SZT2: variants seen among roughly 807,000 people sequenced by gnomAD.
SZT2 encodes KICSTOR complex protein SZT2.
A neutral mutation model predicts 404.2 loss-of-function variants in SZT2; 216 were observed. That is an observed-to-expected ratio of 0.53 (90% CI 0.48 to 0.60). SZT2 has a LOEUF of 0.60. Ranked by LOEUF, SZT2 falls within the 20% of genes least tolerant of loss-of-function variation. The pLI, the probability that SZT2 is intolerant of heterozygous loss-of-function variation, is 0.00. For synonymous variants in SZT2, 1,693 were observed against 1,749.9 expected (o/e 0.97, Z 0.81); for missense variants, 3,857 against 4,459.2 (o/e 0.86, Z 3.85).
rs768958588 is a variant in SZT2 at position 43,452,276 on chromosome 1, T to G, written c.*1796T>G. ...GCCTCCATCTCAGCCTTGACTGCTA[T>G]TCGATCAGCTCCCTGGGGTACTCGG... is the stretch of plus-strand genomic sequence containing the variant. On this transcript the variant is annotated 3_prime_UTR_variant, in exon 72 of 72. Transcript: ENST00000634258. 6.2e-7 allele frequency: 1 copy of G among 1,614,104 alleles called. No individual in the cohort carries two copies. The highest frequency in any genetic ancestry group is 8.5e-7 in the Non-Finnish European group (1 of 1,179,988).
At chr1:43,409,430 G>A (rs1650739295) in intron 4 of SZT2, 1 of 365,404 alleles carries the variant, frequency 2.7e-6, no homozygotes, top group Non-Finnish European at 5.3e-6. Flanking sequence ...AGAATAGTCA[G>A]ACAAGAGAAA....
chr1:43,441,794 G>C lies in SZT2; in HGVS notation c.7718G>C (p.Ser2573Thr), dbSNP rs755325371. The C allele has an allele frequency of 1.2e-5, 20 of 1,614,056 alleles. No homozygotes were observed. Among genetic ancestry groups the C allele is most frequent in the Non-Finnish European group, 1.7e-5 (20 of 1,180,044 alleles). The change falls in exon 55 of 72, where the codon AGT becomes ACT. Residue 2573 changes from serine (S) to threonine (T), a missense_variant. Ser to Thr is a moderately conservative substitution (Grantham distance 58). Transcript: ENST00000634258. The surrounding 1 kb of genome is among the most constrained non-coding windows in gnomAD (Gnocchi z 4.8). ...GTCACCTCAATGGCTGGAGACACCA[G>C]TGTCCGCATCTTTGAGCAGCATTTG... ...ALVTSMAGDT[S>T]VRIFEQHLGS... is the part of the protein sequence containing the mutation.
In SZT2 at chr1:43,423,180, A is replaced by T; in HGVS notation, c.2119A>T (p.Lys707Ter). Residue 707 changes from lysine to a stop codon, truncating the protein, a stop_gained, in exon 15 of 72, where the codon AAA becomes TAA. Transcript: ENST00000634258. LOFTEE classifies it high-confidence loss of function. ...AAGCAAGGAGCCAACGCCCAAGGTG[A>T]AACGAAAAGGGCTAGGGGGTGCTGG... Reference protein sequence around the residue: ...VQSKEPTPKVKRKGLGGAGGG... With the variant: ...VQSKEPTPKV The T allele has an allele frequency of 6.3e-7, 1 of 1,597,622 alleles. No homozygotes were observed. Among genetic ancestry groups the T allele is most frequent in the Non-Finnish European group, 8.5e-7 (1 of 1,179,470 alleles).
At position 43,423,759 on chromosome 1, in the gene SZT2, G is replaced by A. The variant is rs116048765; in HGVS notation, c.2255+443G>A. On this transcript the variant is annotated intron_variant, in intron 15 of 71. Transcript: ENST00000634258. ...GTGTGGAAGGGCATGGCTCAGCGAG[G>A]AATGAGTAGGTCAGAGGTGTGGAAG... 1.7e-3 allele frequency among the ~76,000 whole-genome samples: 257 copies of A among 149,522 alleles called. 1 individual carries two copies. Among genetic ancestry groups the A allele is most frequent in the African/African-American group, 6.2e-3 (249 of 40,462 alleles).
Position 43,427,381 on chromosome 1 carries a change from A to G in SZT2, c.3534A>G (p.Leu1178=). ...GTGGGGCTCCCAGTCTGAAAGATCT[A>G]GGAGGAACTGGGATCAAAGCTACAA... The part of the protein sequence containing the change: ...DWSGAPSLKD[L]GGTGIKATKS... Residue 1178 remains leucine, a synonymous_variant, in exon 25 of 72, where the codon CTA becomes CTG. Coordinates refer to ENST00000634258, the MANE Select transcript of SZT2 (RefSeq NM_001365999.1). The G allele has an allele frequency of 6.2e-7, 1 of 1,614,082 alleles. No individual in the cohort carries two copies. Among genetic ancestry groups the G allele is most frequent in the Non-Finnish European group, 8.5e-7 (1 of 1,180,002 alleles).
chr1:43,422,465 C>T lies in SZT2; in HGVS notation c.1770-15C>T, dbSNP rs1652484846. The T allele has an allele frequency of 2.6e-6, 4 of 1,565,980 alleles. No homozygotes were observed. Among genetic ancestry groups the T allele is most frequent in the South Asian group, 1.2e-5 (1 of 85,408 alleles). The stretch of plus-strand genomic sequence containing the variant: ...GGCCTGGAGGTCTAACCTCAGTCCA[C>T]ACCCCTCTTCCTAGACCAATCCCCA... On this transcript the variant is annotated splice_polypyrimidine_tract_variant and intron_variant, in intron 12 of 71. Coordinates refer to ENST00000634258, the MANE Select transcript of SZT2 (RefSeq NM_001365999.1).
chr1:43,424,812 G>A lies in SZT2; in HGVS notation c.2500G>A (p.Ala834Thr), dbSNP rs753359197. The A allele has an allele frequency of 1.3e-5, 21 of 1,613,874 alleles. No individual in the cohort carries two copies. The highest frequency in any genetic ancestry group is 6.7e-5 in the African/African-American group (5 of 74,886). ...CCGACTTTCTGAAGGATTCCACTTCGCCTGCAGTGGGGAAGGAATCATCAA... is the reference window on the plus strand; with the variant it reads ...CCGACTTTCTGAAGGATTCCACTTCACCTGCAGTGGGGAAGGAATCATCAA... ...EVRLSEGFHF[A>T]CSGEGIINMV... The change falls in exon 17 of 72, where the codon GCC (alanine) becomes ACC (threonine). Residue 834 changes from alanine to threonine, a missense_variant. Physicochemically the swap from Ala to Thr is moderately conservative, Grantham distance 58. Around this residue, in one of 7 missense-constraint regions of SZT2, gnomAD observed 1,725 missense variants for 1,881.0 expected, o/e 0.92. Transcript: ENST00000634258. The surrounding 1 kb of genome is among the most constrained non-coding windows in gnomAD (Gnocchi z 4.1).
Position 43,422,441 on chromosome 1 carries a change from G to A in SZT2, c.1770-39G>A, listed in dbSNP as rs182232163. 1.4e-3 allele frequency: 2,154 copies of A among 1,531,014 alleles called. 4 individuals carry two copies. The highest frequency in any genetic ancestry group is 3.1e-3 in the Admixed American group (156 of 50,538). The allele number at this position is 1,531,014 out of a possible 1,614,324, so 94.8% of individuals were successfully genotyped here. On this transcript the variant is annotated intron_variant, in intron 12 of 71. Coordinates refer to ENST00000634258, the MANE Select transcript of SZT2 (RefSeq NM_001365999.1). ...TCTATTCCTTTTCTCCAAGCCTGGGGCCTGGAGGTCTAACCTCAGTCCACA... is the reference window on the plus strand; with the variant it reads ...TCTATTCCTTTTCTCCAAGCCTGGGACCTGGAGGTCTAACCTCAGTCCACA...
Position 43,439,819 on chromosome 1 carries a change from G to C in SZT2, c.7042+50G>C, listed in dbSNP as rs1340772331. 6.4e-7 allele frequency: 1 copy of C among 1,562,624 alleles called. No homozygotes were observed. The highest frequency in any genetic ancestry group is 1.8e-5 in the Admixed American group (1 of 55,376). On this transcript the variant is annotated intron_variant, in intron 50 of 71. Coordinates refer to ENST00000634258, the MANE Select transcript of SZT2 (RefSeq NM_001365999.1). The surrounding 1 kb of genome is among the most constrained non-coding windows in gnomAD (Gnocchi z 4.2). ...AGGTGTTCAGTTATTGCTGTGGGAG[G>C]TAAGGGTGGTGAGTAGAGTGGGATC... is the stretch of plus-strand genomic sequence containing the variant.
At chr1:43,429,915 G>T in intron 29 of SZT2, 71 bp downstream of exon 29, 1 of 1,612,324 alleles carries the variant, frequency 6.2e-7, no homozygotes. Context: ...ATTCTCTCCT[G>T]GGCGGGGGGT....
In SZT2 at chr1:43,451,059, A is replaced by G. The variant is rs763446359; in HGVS notation, c.*579A>G. The G allele has an allele frequency of 1.4e-5, 11 of 795,102 alleles. No individual in the cohort carries two copies. Among genetic ancestry groups the G allele is most frequent in the Admixed American group, 8.6e-5 (5 of 58,254 alleles). 49.3% of individuals were successfully genotyped at this position (795,102 alleles called of 1,614,324 possible). On this transcript the variant is annotated 3_prime_UTR_variant, in exon 72 of 72. Transcript: ENST00000634258. ...CAGAAGCTCTCCCATCTTCACAGCA[A>G]CCCTGGCACTGGCTTCTCAATGGGA...
chr1:43,422,613 T>C lies in SZT2; in HGVS notation c.1903T>C (p.Tyr635His), dbSNP rs1310563906. 2 of 1,595,612 alleles carry C rather than the reference T, an allele frequency of 1.3e-6. No homozygotes were observed. Among genetic ancestry groups the C allele is most frequent in the African/African-American group, 2.7e-5 (2 of 74,668 alleles). Residue 635 changes from tyrosine (Y) to histidine (H), a missense_variant, in exon 13 of 72, where the codon TAT (tyrosine) becomes CAT (histidine). By Grantham distance (83) the Tyr-to-His change is moderately conservative (BLOSUM62 2). This residue lies in a region of SZT2 where 1,725 missense variants were observed against 1,881.0 expected (regional missense o/e 0.92). Coordinates refer to ENST00000634258, the MANE Select transcript of SZT2 (RefSeq NM_001365999.1). ...SSFVLVEGYSYVKLLSSAPDQ... is the reference protein window; with the variant it reads ...SSFVLVEGYSHVKLLSSAPDQ... ...CTTCGTACTAGTCGAGGGCTATTCT[T>C]ATGTTAAGCTGCTCTCCAGGTGGGC...
rs41270349 is a variant in SZT2 at position 43,424,867 on chromosome 1, G to C, written c.2550+5G>C. 1 of 1,613,558 alleles carries C rather than the reference G, an allele frequency of 6.2e-7. No homozygotes were observed. Among genetic ancestry groups the C allele is most frequent in the Non-Finnish European group, 8.5e-7 (1 of 1,179,538 alleles). ...GTTCTGGAGCTTCCAATTCAGGTAC[G>C]TGCCATCCCCCATGACACCTCCCTG... On this transcript the variant is annotated splice_donor_5th_base_variant and intron_variant, in intron 17 of 71. Coordinates refer to ENST00000634258, the MANE Select transcript of SZT2 (RefSeq NM_001365999.1). The surrounding 1 kb of genome is among the most constrained non-coding windows in gnomAD (Gnocchi z 4.1).
intron 1 of SZT2, among the ~76,000 whole-genome samples, chr1:43,402,758 T>A (rs1324525812): frequency 6.6e-6 from 1 of 152,218 alleles, no homozygotes; most frequent in Non-Finnish European, 1.5e-5. Context: ...GTGCCTGCTG[T>A]TGTCAAGACT....
At chr1:43,435,148 C>A in intron 41 of SZT2, 52 bp from the exon 42 acceptor site, 5 of 1,600,070 alleles carry the variant, frequency 3.1e-6, no homozygotes, top group Non-Finnish European at 4.3e-6. Flanking sequence ...ACCACCACCA[C>A]CCACTTAGGA....
chr1:43,447,493 G>C, intron 66 of SZT2, 52 bp from the exon 67 acceptor site: 4 of 1,588,700 alleles, frequency 2.5e-6, no homozygotes, highest in Non-Finnish European at 3.4e-6. Flanking sequence ...CACCAGACCA[G>C]TGTGTCTGTC....
chr1:43,420,281 C>A lies in SZT2; in HGVS notation c.1219C>A (p.Leu407Ile). The A allele has an allele frequency of 6.3e-7, 1 of 1,598,046 alleles. No individual in the cohort carries two copies. Among genetic ancestry groups the A allele is most frequent in the Non-Finnish European group, 8.5e-7 (1 of 1,179,656 alleles). The change falls in exon 9 of 72, where the codon CTT (leucine) becomes ATT (isoleucine). Residue 407 changes from leucine (L) to isoleucine (I), a missense_variant. Around this residue, in one of 7 missense-constraint regions of SZT2, gnomAD observed 536 missense variants for 637.4 expected, o/e 0.84. Coordinates refer to ENST00000634258, the MANE Select transcript of SZT2 (RefSeq NM_001365999.1). This position sits in a 1 kb window ranked among gnomAD's most constrained non-coding sequence, Gnocchi z 5.1. ...ADLVSTVSVR[L>I]REGYSVREVT... ...CTTGGTCAGCACTGTGTCCGTACGG[C>A]TTCGAGAGGGCTACAGTGTCCGAGA...
Position 43,439,212 on chromosome 1 carries a change from A to G in SZT2, c.6792+119A>G, listed in dbSNP as rs777843420. The G allele has an allele frequency of 1.4e-5, 21 of 1,540,444 alleles. No individual in the cohort carries two copies. The highest frequency in any genetic ancestry group is 5.1e-5 in the Admixed American group (3 of 58,902). On this transcript the variant is annotated intron_variant, in intron 48 of 71. Coordinates refer to ENST00000634258, the MANE Select transcript of SZT2 (RefSeq NM_001365999.1). The surrounding 1 kb of genome is among the most constrained non-coding windows in gnomAD (Gnocchi z 4.2). ...TTTGCCCATGGACCTGGGTACACCC[A>G]TGCCCCCCCGGGGACCATTATTACC...
rs759493323 is a variant in SZT2 at position 43,415,068 on chromosome 1, C to T, written c.499-14C>T. 6.3e-7 allele frequency: 1 copy of T among 1,596,820 alleles called. No homozygotes were observed. Among genetic ancestry groups the T allele is most frequent in the Non-Finnish European group, 8.5e-7 (1 of 1,178,774 alleles). ...CTGACCGTCCTGTCTCAGTCTTTCC[C>T]ATGTGCTTCTTAGGTGCTGGTACAG... On this transcript the variant is annotated splice_polypyrimidine_tract_variant and intron_variant, in intron 4 of 71. Coordinates refer to ENST00000634258, the MANE Select transcript of SZT2 (RefSeq NM_001365999.1).
Sources: allele counts gnomAD v4.1 joint callset (sites outside exome capture counted in the v4.1 genomes callset), GRCh38; gene constraint gnomAD v4.1.1; regional missense constraint gnomAD v4.1.1; non-coding constraint Gnocchi (gnomAD v3.1); transcripts MANE v1.5; gene names NCBI Gene and HGNC (gene_info 2026-07-23, HGNC 2026-07-21).